CPQ: variants seen among roughly 807,000 people sequenced by gnomAD.
The protein encoded by CPQ is carboxypeptidase Q, also known as Ser-Met dipeptidase.
A neutral mutation model predicts 45.7 loss-of-function variants in CPQ; 37 were observed. The observed-to-expected ratio is 0.81, with a 90% CI of 0.62 to 1.07. The LOEUF is 1.07. Among genes scored for constraint, CPQ ranks in the 50% least tolerant of loss-of-function variants. The pLI is 0.00. For missense variants in CPQ, 537 were observed against 572.9 expected (o/e 0.94, Z 0.64); for synonymous variants, 186 against 205.8 (o/e 0.90, Z 0.82).
At chr8:96,737,084 CTA>C (rs894689574) in intron 1 of CPQ, among the ~76,000 whole-genome samples, 30 of 151,564 alleles carry the variant, frequency 2.0e-4, no homozygotes, top group Non-Finnish European at 7.4e-5. Flanking sequence ...TCCTTCTAGT[CTA>C]TCTTTGCTTT....
chr8:97,090,620 A>T (rs1240717456), intron 7 of CPQ, among the ~76,000 whole-genome samples: 4 of 152,256 alleles, frequency 2.6e-5, no homozygotes, highest in Admixed American at 1.3e-4. Flanking sequence ...AACCTAGGAG[A>T]TCAACCATAT....
chr8:96,885,481 A>G (rs954010515), intron 4 of CPQ, among the ~76,000 whole-genome samples: 1 of 152,230 alleles, frequency 6.6e-6, no homozygotes, highest in Non-Finnish European at 1.5e-5. Context: ...AACACCCAGT[A>G]TAGTTCCTTA....
At chr8:96,692,668 A>T (rs1290492719) in intron 1 of CPQ, among the ~76,000 whole-genome samples, 1 of 152,158 alleles carries the variant, frequency 6.6e-6, no homozygotes, top group Non-Finnish European at 1.5e-5. Context: ...ATGACCAAAA[A>T]CTTAGACCAC....
chr8:97,066,105 A>G lies in CPQ; in HGVS notation c.1150A>G (p.Ile384Val), dbSNP rs1440140542. ...CACTGGCAGTGAAAAGGCCAGGGCCATCATGGAGGAGGTTATGAGCCTGCT... is the reference window on the plus strand; with the variant it reads ...CACTGGCAGTGAAAAGGCCAGGGCCGTCATGGAGGAGGTTATGAGCCTGCT... ...QFTGSEKARA[I>V]MEEVMSLLQP... Residue 384 changes from isoleucine (I) to valine (V), a missense_variant, in exon 7 of 8, where the codon ATC becomes GTC. Transcript: ENST00000220763. 6 of 1,612,460 alleles carry G rather than the reference A, an allele frequency of 3.7e-6. No individual in the cohort carries two copies. The highest frequency in any genetic ancestry group is 2.2e-5 in the East Asian group (1 of 44,822).
intron 4 of CPQ, among the ~76,000 whole-genome samples, chr8:96,902,107 G>A (rs1812519316): frequency 6.6e-6 from 1 of 152,220 alleles, no homozygotes; most frequent in South Asian, 2.1e-4. Flanking sequence ...GTCAGTCAAG[G>A]CAATGAGGGA....
chr8:96,877,592 A>T (rs1812163355), intron 3 of CPQ, among the ~76,000 whole-genome samples: 1 of 152,210 alleles, frequency 6.6e-6, no homozygotes, highest in African/African-American at 2.4e-5. Context: ...CAGTGGGAAA[A>T]ATTAACACCA....
Position 96,748,951 on chromosome 8 carries a change from A to T in CPQ, c.-34-35913A>T, listed in dbSNP as rs1237152127. Among the ~76,000 whole-genome samples, 5 of 152,136 alleles carry T rather than the reference A, an allele frequency of 3.3e-5. No homozygotes were observed. In the East Asian group the frequency reaches 9.6e-4, roughly 29 times the overall value. On this transcript the variant is annotated intron_variant, in intron 1 of 7. Transcript: ENST00000220763. ...TTCAAGACCCAGTAGATTTGTCACC[A>T]ATTGCAAAGCCTTTTCTGACCCTCA...
intron 2 of CPQ, among the ~76,000 whole-genome samples, chr8:96,817,823 C>CA (rs1811250275): frequency 6.6e-6 from 1 of 152,004 alleles, no homozygotes; most frequent in Admixed American, 6.6e-5. Flanking sequence ...CTATGTTGCC[C>CA]AAGCTGGTCT....
intron 1 of CPQ, among the ~76,000 whole-genome samples, chr8:96,771,894 A>G (rs1810548219): frequency 6.6e-6 from 1 of 151,892 alleles, no homozygotes; most frequent in South Asian, 2.1e-4. Flanking sequence ...GTACCTACTA[A>G]CTGTCGGTTC....
chr8:97,030,708 A>G (rs1809886129), intron 6 of CPQ, among the ~76,000 whole-genome samples: 1 of 152,176 alleles, frequency 6.6e-6, no homozygotes, highest in Admixed American at 6.5e-5. Flanking sequence ...TATGTTATGC[A>G]TTAATGTTAG....
chr8:96,838,819 T>TTGTCCGAACTATGTAACCCA (rs1423279943), intron 3 of CPQ, among the ~76,000 whole-genome samples: 3 of 152,142 alleles, frequency 2.0e-5, no homozygotes, highest in Non-Finnish European at 2.9e-5. Flanking sequence ...CTGGTGCTCT[T>TTGTCCGAACTATGTAACCCA]TGTCCGAACT....
intron 4 of CPQ, among the ~76,000 whole-genome samples, chr8:96,949,328 G>T (rs1256478359): frequency 6.6e-6 from 1 of 150,678 alleles, no homozygotes; most frequent in East Asian, 2.0e-4. Context: ...CATGGGTTTT[G>T]GAATTTTCGT....
chr8:97,034,290 A>G (rs1809959863), intron 6 of CPQ, among the ~76,000 whole-genome samples: 1 of 152,216 alleles, frequency 6.6e-6, no homozygotes, highest in South Asian at 2.1e-4. Flanking sequence ...TAGAATATAA[A>G]TCATTCCTGA....
chr8:96,647,520 A>G lies in CPQ; in HGVS notation c.-35+2118A>G, dbSNP rs573322167. On this transcript the variant is annotated intron_variant, in intron 1 of 7. Coordinates refer to ENST00000220763, the MANE Select transcript of CPQ (RefSeq NM_016134.4). ...TCTTAACTAGAAACAGTACATGGAA[A>G]ATGGGAGAGTTAGGACTCAAAACTC... is the stretch of plus-strand genomic sequence containing the variant. Among the ~76,000 whole-genome samples, 7 of 152,324 alleles carry G rather than the reference A, an allele frequency of 4.6e-5. No homozygotes were observed. In the South Asian group the frequency reaches 1.5e-3, roughly 32 times the overall value.
chr8:96,970,810 G>A (rs927491549), intron 5 of CPQ, among the ~76,000 whole-genome samples: 9 of 152,194 alleles, frequency 5.9e-5, no homozygotes, highest in South Asian at 4.1e-4. Flanking sequence ...TGATCCGCCC[G>A]CCTCGGCCTC....
chr8:96,808,424 G>A (rs1033830549), intron 2 of CPQ, among the ~76,000 whole-genome samples: 1 of 152,118 alleles, frequency 6.6e-6, no homozygotes, highest in Admixed American at 6.5e-5. Flanking sequence ...TCATCACAGA[G>A]TTTGGCTTAC....
rs188139140 is a variant in CPQ at position 96,695,520 on chromosome 8, A to C, written c.-35+50118A>C. ...GAACAGGCAACCTACAAAATGAGAG[A>C]AAATTTTCGCAACCTACTCTTCTGA... On this transcript the variant is annotated intron_variant, in intron 1 of 7. Transcript: ENST00000220763. Among the ~76,000 whole-genome samples, 287 of 152,292 alleles carry C rather than the reference A, an allele frequency of 1.9e-3. 5 individuals are homozygous for C. Among genetic ancestry groups the C allele is most frequent in the Admixed American group, 0.012 (191 of 15,296 alleles).
At chr8:96,951,168 G>C (rs895428037) in intron 4 of CPQ, among the ~76,000 whole-genome samples, 3 of 152,048 alleles carry the variant, frequency 2.0e-5, no homozygotes, top group African/African-American at 7.2e-5. Flanking sequence ...AAAAAACCCT[G>C]ATATTTGCCT....
chr8:97,112,674 T>TTGCAAAG (rs1811517449), intron 7 of CPQ, among the ~76,000 whole-genome samples: 1 of 152,194 alleles, frequency 6.6e-6, no homozygotes, highest in Non-Finnish European at 1.5e-5. Context: ...CCTTTTGTGT[T>TTGCAAAG]TGCAAAGGCC....
Sources: allele counts gnomAD v4.1 joint callset (sites outside exome capture counted in the v4.1 genomes callset), GRCh38; gene constraint gnomAD v4.1.1; transcripts MANE v1.5; gene names NCBI Gene and HGNC (gene_info 2026-07-23, HGNC 2026-07-21).